CAPRIN2: variants seen among roughly 807,000 people sequenced by gnomAD.
CAPRIN2 encodes caprin family member 2.
Under a neutral mutation model 130.4 loss-of-function variants are expected in CAPRIN2, and 66 were observed. The ratio of observed to expected loss-of-function variants is 0.51; its 90% CI spans 0.42 to 0.62. CAPRIN2 has a LOEUF of 0.62. Among genes scored for constraint, CAPRIN2 ranks in the 20% least tolerant of loss-of-function variants. The pLI is 0.00. For missense variants in CAPRIN2, 1,185 were observed against 1,246.6 expected (o/e 0.95, Z 0.74); for synonymous variants, 471 against 444.1 (o/e 1.06, Z -0.76).
intron 15 of CAPRIN2, among the ~76,000 whole-genome samples, chr12:30,712,772 G>A (rs1375395015): frequency 3.3e-5 from 4 of 121,806 alleles, no homozygotes; most frequent in African/African-American, 9.2e-5. Flanking sequence ...ACAGAGTCTC[G>A]CTCTTCTTGC....
At chr12:30,733,508 T>C (rs750639087) in intron 5 of CAPRIN2, 121 bp downstream of exon 6, 10 of 690,332 alleles carry the variant, frequency 1.4e-5, no homozygotes, top group South Asian at 6.7e-5. Flanking sequence ...CCAGTGAATA[T>C]AGTATTGTCA....
At chr12:30,733,092 A>C (rs1380668400) in intron 5 of CAPRIN2, among the ~76,000 whole-genome samples, 11 of 152,130 alleles carry the variant, frequency 7.2e-5, no homozygotes, top group Non-Finnish European at 1.3e-4. Flanking sequence ...TCATTACTCT[A>C]AGCTAGTACA....
chr12:30,740,955 C>A, intron 3 of CAPRIN2, 65 bp downstream of exon 4: 1 of 939,782 alleles, frequency 1.1e-6, no homozygotes, highest in Non-Finnish European at 1.7e-6. Flanking sequence ...CACTGACACA[C>A]TGACATTTTC....
intron 2 of CAPRIN2, 21 bp downstream of exon 3, chr12:30,751,050 A>G (rs754145910): frequency 9.4e-6 from 15 of 1,595,366 alleles, no homozygotes; most frequent in Middle Eastern, 1.7e-4. Context: ...AAGTCTTACT[A>G]AAAGATCATA....
chr12:30,713,781 T>C lies in CAPRIN2; in HGVS notation c.2601+4A>G. The C allele has an allele frequency of 6.5e-7, 1 of 1,533,622 alleles. No homozygotes were observed. The highest frequency in any genetic ancestry group is 9.0e-7 in the Non-Finnish European group (1 of 1,107,742). ...ATTCAACTATGACAACTATTCTTAC[T>C]TACCCTTTGGGAATAAGGTGCTCCA... On this transcript the variant is annotated splice_donor_region_variant and intron_variant, in intron 15 of 16. Transcript: ENST00000298892.
At chr12:30,750,480 C>T (rs1285020407) in intron 2 of CAPRIN2, among the ~76,000 whole-genome samples, 1 of 151,790 alleles carries the variant, frequency 6.6e-6, no homozygotes, top group Non-Finnish European at 1.5e-5. Context: ...CCAGGTATAT[C>T]ATTGAGAAGT....
intron 3 of CAPRIN2, among the ~76,000 whole-genome samples, chr12:30,739,919 G>C (rs1053129666): frequency 6.6e-6 from 1 of 152,120 alleles, no homozygotes; most frequent in Non-Finnish European, 1.5e-5. Context: ...ATATAGGCCT[G>C]AATGAAAAAC....
At chr12:30,743,971 C>T (rs972247577) in intron 2 of CAPRIN2, among the ~76,000 whole-genome samples, 1 of 152,124 alleles carries the variant, frequency 6.6e-6, no homozygotes, top group Non-Finnish European at 1.5e-5. Flanking sequence ...GTCTCCCAGG[C>T]ACATTAAAAT....
In CAPRIN2 at chr12:30,710,498, C is replaced by G. The variant is rs747195058; in HGVS notation, c.2666-28G>C. The G allele has an allele frequency of 1.9e-6, 3 of 1,612,906 alleles. No homozygotes were observed. In the South Asian group the frequency reaches 3.3e-5, roughly 18 times the overall value. ...GTTTTATTAGCAACAGTGAGTTTCTCATAATGAAGCAGTTAGCTTTGAACA... is the reference window on the plus strand; with the variant it reads ...GTTTTATTAGCAACAGTGAGTTTCTGATAATGAAGCAGTTAGCTTTGAACA... On this transcript the variant is annotated intron_variant, in intron 16 of 16. Transcript: ENST00000298892. The surrounding 1 kb of genome is among the most constrained non-coding windows in gnomAD (Gnocchi z 4.8).
At chr12:30,743,200 G>A (rs989342529) in intron 2 of CAPRIN2, among the ~76,000 whole-genome samples, 11 of 138,392 alleles carry the variant, frequency 7.9e-5, no homozygotes, top group East Asian at 6.4e-4. Flanking sequence ...TTAGGATTCC[G>A]TCTTTGATGT....
chr12:30,718,444 T>C (rs2058359100), intron 12 of CAPRIN2, among the ~76,000 whole-genome samples: 1 of 152,080 alleles, frequency 6.6e-6, no homozygotes, highest in Non-Finnish European at 1.5e-5. Flanking sequence ...TAAGCACCAA[T>C]AGGAAGGGTA....
At chr12:30,721,792 T>C (rs1026634046) in intron 11 of CAPRIN2, among the ~76,000 whole-genome samples, 2 of 152,212 alleles carry the variant, frequency 1.3e-5, no homozygotes, top group African/African-American at 4.8e-5. Context: ...GGAGGCATTA[T>C]GATATGTTGC....
rs868315418 is a variant in CAPRIN2 at position 30,735,649 on chromosome 12, C to T, written c.571-443G>A. Among the ~76,000 whole-genome samples, 4 of 152,118 alleles carry T rather than the reference C, an allele frequency of 2.6e-5. 1 individual carries two copies. The Middle Eastern group carries it at 0.01, about 388-fold the overall frequency. Reference sequence around the variant, plus strand: ...ATGAACCAAAGAAGACTGGCTAAAGCATAAGGGGTTGAAAAGCTAACAGAC... The same window carrying T: ...ATGAACCAAAGAAGACTGGCTAAAGTATAAGGGGTTGAAAAGCTAACAGAC... On this transcript the variant is annotated intron_variant, in intron 3 of 16. Transcript: ENST00000298892.
chr12:30,749,951 T>G lies in CAPRIN2; in HGVS notation c.483+1120A>C, dbSNP rs554679587. ...AGAGAGCTACCATGGGAACAATCAA[T>G]CTCCAACCCCCTCTCCCCGATGTTT... On this transcript the variant is annotated intron_variant, in intron 2 of 16. Coordinates refer to ENST00000298892, the Ensembl canonical transcript of CAPRIN2. 3.3e-5 allele frequency among the ~76,000 whole-genome samples: 5 copies of G among 152,224 alleles called. No individual in the cohort carries two copies. In the East Asian group the frequency reaches 9.7e-4, roughly 29 times the overall value.
chr12:30,723,976 T>C (rs1246458316), intron 10 of CAPRIN2, among the ~76,000 whole-genome samples: 1 of 152,312 alleles, frequency 6.6e-6, no homozygotes, highest in African/African-American at 2.4e-5. Context: ...CTTTTGTTAG[T>C]TACTGTGTTA....
At chr12:30,750,940 A>C in intron 2 of CAPRIN2, 131 bp downstream of exon 3, 1 of 705,246 alleles carries the variant, frequency 1.4e-6, no homozygotes, top group South Asian at 1.7e-5. Flanking sequence ...AGTCTTCTGA[A>C]ACAGTTTTGA....
intron 14 of CAPRIN2, among the ~76,000 whole-genome samples, chr12:30,714,259 G>C (rs986955207): frequency 9.2e-5 from 14 of 152,162 alleles, no homozygotes; most frequent in Admixed American, 7.9e-4. Flanking sequence ...ACAGCTCACT[G>C]TAACCTCAAA....
intron 2 of CAPRIN2, among the ~76,000 whole-genome samples, chr12:30,749,176 C>T (rs73079996): frequency 0.059 from 8,989 of 152,088 alleles, 353 homozygotes; most frequent in Middle Eastern, 0.13. Flanking sequence ...CAGAAGTGTG[C>T]CTGGGATGTC....
Position 30,729,142 on chromosome 12 carries a change from G to A in CAPRIN2, c.1288C>T (p.Gln430Ter). The A allele has an allele frequency of 1.2e-6, 2 of 1,613,964 alleles. No homozygotes were observed. Among genetic ancestry groups the A allele is most frequent in the Non-Finnish European group, 1.7e-6 (2 of 1,179,962 alleles). The change falls in exon 8 of 17, where the codon CAG (glutamine) becomes TAG (stop). Residue 430 changes from glutamine (Q) to a stop codon, truncating the protein, a stop_gained. Transcript: ENST00000298892. LOFTEE classifies it high-confidence loss of function. Reference sequence around the variant, plus strand: ...GAAACTGCAGGCTTGGATACCTCCTGGTGCTTACCAGAAGCCTCCCAGGAC... The same window carrying A: ...GAAACTGCAGGCTTGGATACCTCCTAGTGCTTACCAGAAGCCTCCCAGGAC...
Sources: allele counts gnomAD v4.1 joint callset (sites outside exome capture counted in the v4.1 genomes callset), GRCh38; gene constraint gnomAD v4.1.1; non-coding constraint Gnocchi (gnomAD v3.1); transcripts MANE v1.5; gene names NCBI Gene and HGNC (gene_info 2026-07-23, HGNC 2026-07-21).